The following IL36B variants were observed in gnomAD, a reference collection of about 807,000 sequenced individuals.
IL36B encodes the protein interleukin-36 beta.
A neutral mutation model predicts 19.3 loss-of-function variants in IL36B; 23 were observed. The ratio of observed to expected loss-of-function variants is 1.19; its 90% CI spans 0.86 to 1.69. The LOEUF (loss-of-function observed/expected upper bound fraction) is 1.69, where lower values mean the gene tolerates loss of function less well. IL36B is among the 40% of genes most tolerant of loss of function. The probability of loss-of-function intolerance (pLI) is 0.00; values close to 1 mark genes in which losing one functional copy is unlikely to be tolerated. For missense variants in IL36B, 217 were observed against 200.5 expected (o/e 1.08, Z -0.50); for synonymous variants, 59 against 59.7 (o/e 0.99, Z 0.05).
intron 1 of IL36B, among the ~76,000 whole-genome samples, chr2:113,038,535 T>C (rs1685197172): frequency 6.6e-6 from 1 of 152,226 alleles, no homozygotes; most frequent in Non-Finnish European, 1.5e-5. Flanking sequence ...AGCGCAGCTG[T>C]GACTGCTGGT....
At chr2:113,039,517 G>T (rs929132006) in intron 1 of IL36B, among the ~76,000 whole-genome samples, 1 of 152,152 alleles carries the variant, frequency 6.6e-6, no homozygotes, top group African/African-American at 2.4e-5. Context: ...AAATATACTA[G>T]CCATTATGTA....
At chr2:113,040,284 A>T (rs1685232042) in intron 1 of IL36B, among the ~76,000 whole-genome samples, 2 of 152,218 alleles carry the variant, frequency 1.3e-5, no homozygotes, top group Non-Finnish European at 2.9e-5. Context: ...GCCCAAGAAA[A>T]AAAAGTCTAC....
At chr2:113,035,482 C>G (rs556753519) in intron 1 of IL36B, among the ~76,000 whole-genome samples, 1 of 152,000 alleles carries the variant, frequency 6.6e-6, no homozygotes, top group South Asian at 2.1e-4. Context: ...CCTATGCCCA[C>G]CATCTTGAGA....
intron 1 of IL36B, among the ~76,000 whole-genome samples, chr2:113,034,895 G>A (rs1685140193): frequency 1.3e-5 from 2 of 152,184 alleles, no homozygotes; most frequent in South Asian, 4.1e-4. Flanking sequence ...TGGCTCCTTG[G>A]CCAGGGCAGT....
intron 2 of IL36B, among the ~76,000 whole-genome samples, 189 bp downstream of exon 2, chr2:113,031,508 A>T (rs895809695): frequency 3.3e-5 from 5 of 152,324 alleles, no homozygotes; most frequent in Admixed American, 3.3e-4. Context: ...TAAACAAGCA[A>T]TTCTAAATAC....
At chr2:113,025,406 G>A (rs1684939911) in intron 5 of IL36B, among the ~76,000 whole-genome samples, 1 of 152,178 alleles carries the variant, frequency 6.6e-6, no homozygotes, top group South Asian at 2.1e-4. Flanking sequence ...TACATGAAAT[G>A]AAAATTAATT....
chr2:113,044,895 A>G lies in IL36B; in HGVS notation c.-58+7922T>C, dbSNP rs1685322815. On this transcript the variant is annotated intron_variant, in intron 1 of 5. Coordinates refer to ENST00000259213, the MANE Select transcript of IL36B (RefSeq NM_014438.5). Reference sequence around the variant, plus strand: ...AATTATTTTGTTGTTTGAGTAGTTGATTTAGAATTACAGTATCCATCTTTA... The same window carrying G: ...AATTATTTTGTTGTTTGAGTAGTTGGTTTAGAATTACAGTATCCATCTTTA... Among the ~76,000 whole-genome samples the G allele has an allele frequency of 2.6e-5, 4 of 152,204 alleles. No homozygotes were observed. The South Asian group carries it at 8.3e-4, about 32-fold the overall frequency.
chr2:113,028,092 A>G, intron 4 of IL36B: 2 of 1,614,102 alleles, frequency 1.2e-6, no homozygotes, highest in African/African-American at 1.3e-5. Context: ...TCTTCTCCAC[A>G]TACAGGTCCA....
chr2:113,041,150 T>C (rs1215335193), intron 1 of IL36B, among the ~76,000 whole-genome samples: 1 of 70,634 alleles, frequency 1.4e-5, no homozygotes, highest in Non-Finnish European at 2.4e-5. Context: ...GAGCAAGACT[T>C]TGCCACACAC....
At chr2:113,026,019 C>A in intron 5 of IL36B, 1 of 1,542,794 alleles carries the variant, frequency 6.5e-7, no homozygotes, top group Non-Finnish European at 8.8e-7. Context: ...CTCAATACTG[C>A]TGGGATCCTC....
intron 1 of IL36B, among the ~76,000 whole-genome samples, chr2:113,052,339 G>A (rs1274492982): frequency 6.6e-6 from 1 of 152,168 alleles, no homozygotes; most frequent in East Asian, 1.9e-4. Flanking sequence ...TATTCCAAAT[G>A]TGTGAATTTA....
intron 1 of IL36B, among the ~76,000 whole-genome samples, chr2:113,033,917 C>T (rs767986022): frequency 3.3e-5 from 5 of 152,170 alleles, no homozygotes; most frequent in Non-Finnish European, 5.9e-5. Context: ...CAGTCCTACT[C>T]CCAATCACTC....
chr2:113,027,280 G>A (rs965564461), intron 4 of IL36B, among the ~76,000 whole-genome samples, 153 bp downstream of exon 5: 1 of 152,152 alleles, frequency 6.6e-6, no homozygotes, highest in Non-Finnish European at 1.5e-5. Flanking sequence ...GGAGGAGTTA[G>A]AGGGGGAGGC....
At position 113,035,653 on chromosome 2, in the gene IL36B, T is replaced by C. The variant is rs72944575; in HGVS notation, c.-57-3887A>G. Among the ~76,000 whole-genome samples, 310 of 152,100 alleles carry C rather than the reference T, an allele frequency of 2.0e-3. 2 individuals carry two copies. Among genetic ancestry groups the C allele is most frequent in the African/African-American group, 7.0e-3 (291 of 41,494 alleles). On this transcript the variant is annotated intron_variant, in intron 1 of 5. Coordinates refer to ENST00000259213, the MANE Select transcript of IL36B (RefSeq NM_014438.5). ...GAAGAAAAGGAAAAAACAAAAATAT[T>C]TTGATGTTTATACCTAGATGACTTG...
intron 1 of IL36B, among the ~76,000 whole-genome samples, chr2:113,040,587 A>G (rs1197261674): frequency 6.6e-6 from 1 of 152,230 alleles, no homozygotes; most frequent in Non-Finnish European, 1.5e-5. Flanking sequence ...GTATTTTTAT[A>G]TACTGGCAGC....
chr2:113,047,142 T>C (rs917661624), intron 1 of IL36B, among the ~76,000 whole-genome samples: 1 of 152,246 alleles, frequency 6.6e-6, no homozygotes, highest in Non-Finnish European at 1.5e-5. Flanking sequence ...ATTTAGCTCC[T>C]GTGTTCCTTT....
intron 4 of IL36B, 138 bp from the exon 5 acceptor site, chr2:113,028,253 C>A (rs184119089): frequency 1.4e-6 from 1 of 693,338 alleles, no homozygotes; most frequent in Non-Finnish European, 2.4e-6. Flanking sequence ...GCAGATGAAG[C>A]AGGGCATTAG....
At chr2:113,039,807 G>T (rs556154094) in intron 1 of IL36B, among the ~76,000 whole-genome samples, 1 of 152,200 alleles carries the variant, frequency 6.6e-6, no homozygotes, top group African/African-American at 2.4e-5. Context: ...GTGTCACTGA[G>T]TTGGCTTGTA....
At chr2:113,023,517 AT>A (rs1188748479) in intron 5 of IL36B, among the ~76,000 whole-genome samples, 3 of 152,246 alleles carry the variant, frequency 2.0e-5, no homozygotes, top group Non-Finnish European at 4.4e-5. Flanking sequence ...AATAGAGAAC[AT>A]CAGTGTATGG....
Sources: allele counts gnomAD v4.1 joint callset (sites outside exome capture counted in the v4.1 genomes callset), GRCh38; gene constraint gnomAD v4.1.1; transcripts MANE v1.5; gene names NCBI Gene and HGNC (gene_info 2026-07-23, HGNC 2026-07-21).